SOX6: variants seen among roughly 807,000 people sequenced by gnomAD.
SOX6 encodes SRY-box transcription factor 6.
SOX6 carries 11 observed loss-of-function variants against 97.8 expected under a neutral mutation model. The observed-to-expected ratio is 0.11, with a 90% CI of 0.07 to 0.19. SOX6 has a LOEUF of 0.19. Ranked by LOEUF, SOX6 falls within the 10% of genes least tolerant of loss-of-function variation. The pLI, the probability that SOX6 is intolerant of heterozygous loss-of-function variation, is 1.00. For missense variants in SOX6, 810 were observed against 1,039.5 expected (o/e 0.78, Z 3.04); for synonymous variants, 360 against 371.4 (o/e 0.97, Z 0.35).
rs763735778 is a variant in SOX6 at position 16,704,511 on chromosome 11, A to AT, written n.429+10318dup. Among the ~76,000 whole-genome samples, 196 of 152,306 alleles carry AT rather than the reference A, an allele frequency of 1.3e-3. 2 individuals carry two copies. Among genetic ancestry groups the AT allele is most frequent in the Non-Finnish European group, 4.1e-4 (28 of 68,014 alleles). On this transcript the variant is annotated intron_variant and non_coding_transcript_variant, in intron 3 of 5. Coordinates refer to the SOX6 transcript ENST00000524520. ...TACACCACCACAATAATCCTGCAAA[A>AT]TAGGTATTGTTATGCTCACATTGAT...
chr11:16,490,392 T>C (rs1392500176), intron 4 of SOX6, among the ~76,000 whole-genome samples: 1 of 152,052 alleles, frequency 6.6e-6, no homozygotes, highest in Non-Finnish European at 1.5e-5. Flanking sequence ...ATCATATATA[T>C]ATTTTAGATC....
At chr11:16,100,068 T>C (rs1476782384) in intron 7 of SOX6, among the ~76,000 whole-genome samples, 3 of 151,212 alleles carry the variant, frequency 2.0e-5, no homozygotes, top group Non-Finnish European at 4.4e-5. Flanking sequence ...AAAGAAAAAT[T>C]TAAGAGGGAG....
intron 4 of SOX6, among the ~76,000 whole-genome samples, chr11:16,542,587 G>T (rs1861425187): frequency 6.6e-6 from 1 of 151,722 alleles, no homozygotes; most frequent in African/African-American, 2.4e-5. Flanking sequence ...CAACAAACTG[G>T]TCCCACAGAA....
chr11:15,998,790 G>A (rs1018977416), intron 13 of SOX6, among the ~76,000 whole-genome samples: 7 of 152,026 alleles, frequency 4.6e-5, no homozygotes, highest in African/African-American at 1.7e-4. Flanking sequence ...GATGAATCAT[G>A]ACTTAAATCA....
intron 1 of SOX6, among the ~76,000 whole-genome samples, chr11:16,463,863 A>G (rs977507325): frequency 2.6e-5 from 4 of 152,190 alleles, no homozygotes; most frequent in Non-Finnish European, 5.9e-5. Context: ...TATCCTTGAG[A>G]TAATTTATAA....
chr11:16,651,500 A>C (rs1005125784), intron 3 of SOX6, among the ~76,000 whole-genome samples: 2 of 152,190 alleles, frequency 1.3e-5, no homozygotes, highest in African/African-American at 4.8e-5. Context: ...GATATACCAC[A>C]TAAGCAGAAC....
chr11:16,334,567 A>T (rs1426417984), intron 2 of SOX6, among the ~76,000 whole-genome samples: 1 of 151,968 alleles, frequency 6.6e-6, no homozygotes, highest in Non-Finnish European at 1.5e-5. Flanking sequence ...AGCTGGGACC[A>T]CAGGCACGCA....
chr11:16,534,848 A>G (rs1028078045), intron 4 of SOX6, among the ~76,000 whole-genome samples: 2 of 152,172 alleles, frequency 1.3e-5, no homozygotes, highest in African/African-American at 4.8e-5. Context: ...CCTTGATGCC[A>G]TATCCTTTTC....
intron 6 of SOX6, among the ~76,000 whole-genome samples, chr11:16,117,075 CG>C (rs1253373990): frequency 3.9e-5 from 6 of 152,032 alleles, no homozygotes; most frequent in Admixed American, 2.0e-4. Context: ...GGCAGCTGGG[CG>C]TGGTGGCTCA....
chr11:16,189,151 T>C (rs1851563511), intron 4 of SOX6, among the ~76,000 whole-genome samples: 1 of 152,150 alleles, frequency 6.6e-6, no homozygotes, highest in Non-Finnish European at 1.5e-5. Flanking sequence ...GGAATACAAA[T>C]AAGACAAATG....
chr11:16,015,162 G>A, intron 12 of SOX6, 112 bp from the exon 13 acceptor site: 3 of 862,672 alleles, frequency 3.5e-6, no homozygotes, highest in Non-Finnish European at 5.6e-6. Flanking sequence ...TATCATTTCT[G>A]ACCAATGTGG....
At chr11:16,696,557 C>T (rs763217918) in intron 3 of SOX6, among the ~76,000 whole-genome samples, 2 of 152,036 alleles carry the variant, frequency 1.3e-5, no homozygotes, top group Non-Finnish European at 2.9e-5. Context: ...CTTTTTGTTT[C>T]TGAATGCATA....
chr11:16,645,909 T>A (rs960129984), intron 3 of SOX6: 1 of 152,026 alleles, frequency 6.6e-6, no homozygotes, highest in Non-Finnish European at 1.5e-5. Flanking sequence ...AGTGAACAAG[T>A]GTTACAGTAA....
At chr11:16,734,430 C>T (rs759622286) in intron 2 of SOX6, among the ~76,000 whole-genome samples, 14 of 151,850 alleles carry the variant, frequency 9.2e-5, no homozygotes, top group Non-Finnish European at 5.9e-5. Context: ...TGACACTAAC[C>T]TCTCCTTCTT....
intron 3 of SOX6, among the ~76,000 whole-genome samples, chr11:16,695,493 C>A (rs1848046841): frequency 6.6e-6 from 1 of 152,096 alleles, no homozygotes; most frequent in African/African-American, 2.4e-5. Context: ...AATCACCATG[C>A]ATTTTAATTT....
At chr11:16,122,541 G>A (rs529922781) in intron 6 of SOX6, among the ~76,000 whole-genome samples, 4 of 151,930 alleles carry the variant, frequency 2.6e-5, no homozygotes, top group East Asian at 1.9e-4. Flanking sequence ...GATATAAACC[G>A]TTCATAAACT....
rs140611142 is a variant in SOX6, at chr11:16,615,642, T to C, written n.430-3382A>G. 3.6e-3 allele frequency among the ~76,000 whole-genome samples: 554 copies of C among 152,280 alleles called. 4 individuals are homozygous for C. Among genetic ancestry groups the C allele is most frequent in the African/African-American group, 0.012 (482 of 41,562 alleles). ...AAATAATGTGATAGAAACCAGAACA[T>C]TGTAAACTCCTACCAATTTCCCAAA... On this transcript the variant is annotated intron_variant and non_coding_transcript_variant, in intron 3 of 5. Coordinates refer to the SOX6 transcript ENST00000524520.
intron 7 of SOX6, among the ~76,000 whole-genome samples, chr11:16,107,418 CAT>C (rs1177395440): frequency 1.4e-5 from 2 of 141,326 alleles, no homozygotes; most frequent in African/African-American, 2.8e-5. Context: ...TATATATATA[CAT>C]ATATATACAT....
chr11:16,552,458 T>C (rs1847699913), intron 4 of SOX6, among the ~76,000 whole-genome samples: 1 of 152,124 alleles, frequency 6.6e-6, no homozygotes, highest in Non-Finnish European at 1.5e-5. Flanking sequence ...TTAATGTAGG[T>C]TTTTTCTTTT....
Sources: allele counts gnomAD v4.1 joint callset (sites outside exome capture counted in the v4.1 genomes callset), GRCh38; gene constraint gnomAD v4.1.1; transcripts MANE v1.5; gene names NCBI Gene and HGNC (gene_info 2026-07-23, HGNC 2026-07-21).